Variants in SPON1 observed in about 807,000 individuals in gnomAD.
The protein encoded by SPON1 is spondin-1.
Under a neutral mutation model 111.7 loss-of-function variants are expected in SPON1, and 52 were observed. The observed-to-expected ratio is 0.47, with a 90% CI of 0.37 to 0.59. SPON1 has a LOEUF of 0.59. SPON1 is among the 20% of genes least tolerant of loss of function. The probability of loss-of-function intolerance (pLI) is 0.00; values close to 1 mark genes in which losing one functional copy is unlikely to be tolerated. For synonymous variants in SPON1, 410 were observed against 395.8 expected, an observed-to-expected ratio of 1.04 and a Z score of -0.43; for missense variants, 957 against 1,068.5, an observed-to-expected ratio of 0.90 and a Z score of 1.46.
chr11:13,999,656 C>A (rs939967269), intron 2 of SPON1, among the ~76,000 whole-genome samples: 6 of 152,166 alleles, frequency 3.9e-5, no homozygotes, highest in Admixed American at 1.3e-4. Context: ...ATCTGCCCAC[C>A]TCAGCCTCCC....
chr11:14,175,411 C>T (rs1848163699), intron 6 of SPON1, among the ~76,000 whole-genome samples: 1 of 152,046 alleles, frequency 6.6e-6, no homozygotes, highest in African/African-American at 2.4e-5. Context: ...TTCAGGGACC[C>T]ATAGCAAAGT....
At chr11:14,253,093 T>TGGGAGGGGGTGC (rs1406226102) in intron 7 of SPON1, among the ~76,000 whole-genome samples, 1 of 152,174 alleles carries the variant, frequency 6.6e-6, no homozygotes, top group East Asian at 1.9e-4. Context: ...TAGTGTGGGA[T>TGGGAGGGGGTGC]AAGGGAGGGG....
intron 5 of SPON1, among the ~76,000 whole-genome samples, chr11:14,131,668 C>A (rs1300194253): frequency 6.6e-6 from 1 of 152,140 alleles, no homozygotes; most frequent in Non-Finnish European, 1.5e-5. Flanking sequence ...GGGAGATTCT[C>A]CAGCTTGGTA....
chr11:14,250,791 C>T (rs1217685992), intron 7 of SPON1, among the ~76,000 whole-genome samples: 1 of 152,164 alleles, frequency 6.6e-6, no homozygotes, highest in Non-Finnish European at 1.5e-5. Context: ...CTAAGGAAAA[C>T]TCATATAGAT....
intron 5 of SPON1, among the ~76,000 whole-genome samples, chr11:14,112,817 C>T (rs1849235785): frequency 6.6e-6 from 1 of 152,168 alleles, no homozygotes; most frequent in East Asian, 1.9e-4. Context: ...GGATGAAGTC[C>T]CTTCCTTGCT....
intron 6 of SPON1, among the ~76,000 whole-genome samples, chr11:14,240,589 T>TTTG (rs1379300016): frequency 2.1e-5 from 3 of 140,252 alleles, no homozygotes; most frequent in East Asian, 2.1e-4. Flanking sequence ...AGAAGCAATA[T>TTTG]TGTGTGTGTG....
intron 3 of SPON1, among the ~76,000 whole-genome samples, chr11:14,048,998 A>G (rs140965653): frequency 3.3e-5 from 5 of 152,352 alleles, no homozygotes; most frequent in African/African-American, 7.2e-5. Flanking sequence ...GACAAGAGCC[A>G]GGCACTGTTC....
intron 1 of SPON1, among the ~76,000 whole-genome samples, chr11:13,966,303 T>A (rs1329828808): frequency 2.6e-5 from 4 of 152,084 alleles, no homozygotes; most frequent in African/African-American, 9.7e-5. Context: ...TTACAGTGAT[T>A]AAAAATAACA....
intron 2 of SPON1, among the ~76,000 whole-genome samples, chr11:14,039,537 TG>T (rs528781478): frequency 4.1e-4 from 62 of 152,288 alleles, no homozygotes; most frequent in African/African-American, 1.3e-3. Context: ...AATTTATTAA[TG>T]TTTTTTTAAA....
chr11:14,121,706 A>G (rs938342413), intron 5 of SPON1, among the ~76,000 whole-genome samples: 1 of 152,096 alleles, frequency 6.6e-6, no homozygotes, highest in Non-Finnish European at 1.5e-5. Context: ...TTATTCCTTC[A>G]TGTAGATCTG....
At chr11:14,099,843 C>T (rs374251488) in intron 5 of SPON1, among the ~76,000 whole-genome samples, 16 of 152,164 alleles carry the variant, frequency 1.1e-4, no homozygotes, top group African/African-American at 3.1e-4. Flanking sequence ...GAAGGCCAAG[C>T]GGAAGCAACT....
intron 6 of SPON1, among the ~76,000 whole-genome samples, chr11:14,177,784 C>T (rs1285434937): frequency 2.0e-5 from 3 of 152,120 alleles, no homozygotes; most frequent in Non-Finnish European, 2.9e-5. Context: ...TAAGTTTCTC[C>T]CAAAGTTAGT....
chr11:14,008,363 T>C (rs1415267845), intron 2 of SPON1, among the ~76,000 whole-genome samples: 2 of 152,140 alleles, frequency 1.3e-5, no homozygotes, highest in Non-Finnish European at 2.9e-5. Context: ...TTTACACTTA[T>C]GCAGGACCAC....
intron 5 of SPON1, among the ~76,000 whole-genome samples, chr11:14,109,451 C>T (rs536201099): frequency 6.6e-6 from 1 of 152,292 alleles, no homozygotes; most frequent in East Asian, 1.9e-4. Context: ...ATAACATAAA[C>T]ACAGCTTAAA....
intron 14 of SPON1, 78 bp from the exon 15 acceptor site, chr11:14,262,634 T>G: frequency 6.4e-7 from 1 of 1,563,882 alleles, no homozygotes; most frequent in South Asian, 1.2e-5. Context: ...CATAGGCTTG[T>G]TGAGATGTTC....
chr11:14,163,184 T>C (rs1847987468), intron 6 of SPON1, among the ~76,000 whole-genome samples: 2 of 152,206 alleles, frequency 1.3e-5, no homozygotes, highest in Admixed American at 6.5e-5. Context: ...CTAAACACTT[T>C]ACATGAATGT....
intron 5 of SPON1, among the ~76,000 whole-genome samples, chr11:14,088,006 T>C (rs782373732): frequency 3.3e-5 from 5 of 152,202 alleles, no homozygotes; most frequent in African/African-American, 1.2e-4. Flanking sequence ...CATCCCTTTT[T>C]TTTGAGCCTA....
At chr11:14,037,390 T>C (rs1020489803) in intron 2 of SPON1, among the ~76,000 whole-genome samples, 1 of 151,970 alleles carries the variant, frequency 6.6e-6, no homozygotes, top group Non-Finnish European at 1.5e-5. Context: ...AACAGAGCAA[T>C]GGAGTATAAT....
intron 2 of SPON1, among the ~76,000 whole-genome samples, chr11:14,009,471 C>T (rs1848388218): frequency 6.6e-6 from 1 of 152,244 alleles, no homozygotes; most frequent in African/African-American, 2.4e-5. Context: ...CTTCAGATCT[C>T]AGCTCATATA....
Sources: allele counts gnomAD v4.1 joint callset (sites outside exome capture counted in the v4.1 genomes callset), GRCh38; gene constraint gnomAD v4.1.1; transcripts MANE v1.5; gene names NCBI Gene and HGNC (gene_info 2026-07-23, HGNC 2026-07-21).